The following B3GLCT variants were observed in gnomAD, a reference collection of about 807,000 sequenced individuals.
B3GLCT encodes beta-1,3-glucosyltransferase.
In B3GLCT, 65 loss-of-function variants were observed where a neutral mutation model predicts 63.4. The observed-to-expected ratio is 1.03, with a 90% confidence interval of 0.84 to 1.26. The LOEUF (loss-of-function observed/expected upper bound fraction) is 1.26. Among genes scored for constraint, B3GLCT ranks in the 50% most tolerant of loss-of-function variants. The probability of loss-of-function intolerance (pLI) is 0.00; values close to 1 mark genes in which losing one functional copy is unlikely to be tolerated. For missense variants in B3GLCT, 577 were observed against 604.8 expected (o/e 0.95, Z 0.48); for synonymous variants, 233 against 219.2 (o/e 1.06, Z -0.55).
chr13:31,212,138 C>T (rs531839826), intron 1 of B3GLCT, among the ~76,000 whole-genome samples: 5 of 151,622 alleles, frequency 3.3e-5, no homozygotes, highest in Non-Finnish European at 2.9e-5. Context: ...CAGAGTCTCG[C>T]TCTTGTCCAG....
chr13:31,215,219 T>C (rs1037982042), intron 2 of B3GLCT, 119 bp downstream of exon 2: 11 of 1,085,158 alleles, frequency 1.0e-5, no homozygotes, highest in Middle Eastern at 2.8e-4. Flanking sequence ...ATAATTCATA[T>C]AATGTGGTCA....
In B3GLCT at chr13:31,247,096, C is replaced by T. The variant is rs142421716; in HGVS notation, c.344C>T (p.Pro115Leu). 2.8e-5 allele frequency: 45 copies of T among 1,611,906 alleles called. No homozygotes were observed. Among genetic ancestry groups the T allele is most frequent in the Admixed American group, 6.7e-5 (4 of 59,992 alleles). Residue 115 changes from proline (P) to leucine (L), a missense_variant, in exon 5 of 15, where the codon CCG becomes CTG. Pro to Leu is a moderately conservative substitution (Grantham distance 98). Coordinates refer to ENST00000343307, the MANE Select transcript of B3GLCT (RefSeq NM_194318.4). ...EGAWTILPLL[P>L]HFSVTYSRNS... ...GCATGGACCATACTTCCGTTGTTAC[C>T]GCAGTACGTTTGTTTAACTCACCTG...
At chr13:31,294,902 T>G (rs1330091282) in intron 12 of B3GLCT, among the ~76,000 whole-genome samples, 2 of 152,172 alleles carry the variant, frequency 1.3e-5, no homozygotes, top group Non-Finnish European at 2.9e-5. Context: ...GTTTTTTTTT[T>G]GGAATTTTCA....
chr13:31,329,584 G>A lies in B3GLCT; in HGVS notation c.1413G>A (p.Val471=). Residue 471 remains valine, a synonymous_variant, in exon 15 of 15, where the codon GTG becomes GTA. Coordinates refer to ENST00000343307, the MANE Select transcript of B3GLCT (RefSeq NM_194318.4). ...ACAAACACTGGAACATCGATCCAGT[G>A]AAGGTGTATTTCACATGGTTGGCAC... The part of the protein sequence containing the change: ...SFHKHWNIDP[V]KVYFTWLAPS... The A allele has an allele frequency of 6.2e-7, 1 of 1,614,220 alleles. No individual in the cohort carries two copies. The highest frequency in any genetic ancestry group is 8.5e-7 in the Non-Finnish European group (1 of 1,180,040).
intron 6 of B3GLCT, among the ~76,000 whole-genome samples, chr13:31,252,279 G>C (rs1871466442): frequency 6.6e-6 from 1 of 152,154 alleles, no homozygotes; most frequent in South Asian, 2.1e-4. Context: ...AAATTGTAAA[G>C]ACCATTGATG....
chr13:31,318,367 G>C (rs913932679), intron 13 of B3GLCT, among the ~76,000 whole-genome samples: 1 of 152,116 alleles, frequency 6.6e-6, no homozygotes, highest in Non-Finnish European at 1.5e-5. Flanking sequence ...TAATCTAATG[G>C]ATTATACACT....
chr13:31,322,485 C>T (rs1875375840), intron 13 of B3GLCT, among the ~76,000 whole-genome samples: 1 of 152,214 alleles, frequency 6.6e-6, no homozygotes, highest in African/African-American at 2.4e-5. Context: ...GTGGCCAGAG[C>T]AGACAAGTGT....
intron 12 of B3GLCT, among the ~76,000 whole-genome samples, chr13:31,314,158 C>G (rs377080957): frequency 2.6e-5 from 4 of 152,156 alleles, no homozygotes; most frequent in African/African-American, 9.7e-5. Flanking sequence ...TCATGGAGAA[C>G]CTATGCTAGT....
chr13:31,224,400 G>A (rs111226888), intron 3 of B3GLCT, among the ~76,000 whole-genome samples: 5 of 152,266 alleles, frequency 3.3e-5, no homozygotes, highest in African/African-American at 1.2e-4. Flanking sequence ...CCTTGGACAA[G>A]TAAATTTATA....
chr13:31,301,448 A>G (rs929679395), intron 12 of B3GLCT, among the ~76,000 whole-genome samples: 13 of 152,236 alleles, frequency 8.5e-5, no homozygotes, highest in Non-Finnish European at 1.3e-4. Context: ...TTTCCCAGTC[A>G]GATAAAATGT....
At chr13:31,296,070 TTCC>T (rs917060473) in intron 12 of B3GLCT, among the ~76,000 whole-genome samples, 36 of 152,126 alleles carry the variant, frequency 2.4e-4, no homozygotes, top group Non-Finnish European at 4.4e-4. Context: ...GGTGAGGGAG[TTCC>T]CCGTCCCCTT....
intron 14 of B3GLCT, among the ~76,000 whole-genome samples, chr13:31,324,102 C>A (rs1037398744): frequency 1.3e-5 from 2 of 152,178 alleles, no homozygotes; most frequent in African/African-American, 4.8e-5. Flanking sequence ...GAGGCAAAAA[C>A]GTCTCGAAAA....
intron 1 of B3GLCT, among the ~76,000 whole-genome samples, chr13:31,210,406 C>T (rs956793795): frequency 3.3e-5 from 5 of 152,180 alleles, no homozygotes; most frequent in South Asian, 2.1e-4. Flanking sequence ...ATGAAGCAAA[C>T]AGCAAACATT....
At chr13:31,225,716 A>G (rs1374859540) in intron 3 of B3GLCT, among the ~76,000 whole-genome samples, 1 of 152,090 alleles carries the variant, frequency 6.6e-6, no homozygotes, top group African/African-American at 2.4e-5. Flanking sequence ...ATTCTGTCCC[A>G]AACTTTCACT....
chr13:31,227,282 G>A (rs1870148509), intron 3 of B3GLCT, among the ~76,000 whole-genome samples: 1 of 152,052 alleles, frequency 6.6e-6, no homozygotes, highest in Admixed American at 6.5e-5. Flanking sequence ...TGATTAATAA[G>A]AGTGGAATTT....
intron 11 of B3GLCT, among the ~76,000 whole-genome samples, chr13:31,285,604 T>TAA (rs11339832): frequency 6.9e-4 from 58 of 84,206 alleles, no homozygotes; most frequent in Non-Finnish European, 9.4e-4. Flanking sequence ...CTTTTATGAG[T>TAA]AAAAAAAAAA....
At chr13:31,225,744 G>A (rs1004521607) in intron 3 of B3GLCT, among the ~76,000 whole-genome samples, 1 of 151,940 alleles carries the variant, frequency 6.6e-6, no homozygotes, top group African/African-American at 2.4e-5. Context: ...CTGTGGGGAG[G>A]GTCTTCCCAC....
rs546951786 is a variant in B3GLCT at position 31,266,031 on chromosome 13, G to A, written c.597-3183G>A. 7.0e-4 allele frequency among the ~76,000 whole-genome samples: 106 copies of A among 151,640 alleles called. 1 individual carries two copies. In the Middle Eastern group the frequency reaches 0.01, roughly 15 times the overall value. ...TTTTTTTTTTTTGAAACGGAGTCTC[G>A]CTCTGTCGCCCAGGCTGGAGTACAG... On this transcript the variant is annotated intron_variant, in intron 7 of 14. Coordinates refer to ENST00000343307, the MANE Select transcript of B3GLCT (RefSeq NM_194318.4).
At position 31,247,080 on chromosome 13, in the gene B3GLCT, A is replaced by G. The variant is rs765118210; in HGVS notation, c.328A>G (p.Ile110Val). The G allele has an allele frequency of 1.2e-6, 2 of 1,613,408 alleles. No individual in the cohort carries two copies. The highest frequency in any genetic ancestry group is 2.2e-5 in the South Asian group (2 of 91,046). ...QLAKQEGAWT[I>V]LPLLPHFSVT... Reference sequence around the variant, plus strand: ...GGCTAAACAAGAAGGTGCATGGACCATACTTCCGTTGTTACCGCAGTACGT... The same window carrying G: ...GGCTAAACAAGAAGGTGCATGGACCGTACTTCCGTTGTTACCGCAGTACGT... The change falls in exon 5 of 15, where the codon ATA (isoleucine) becomes GTA (valine). Residue 110 changes from isoleucine to valine, a missense_variant. Physicochemically the swap from Ile to Val is conservative, Grantham distance 29. Transcript: ENST00000343307.
Sources: gnomAD v4.1 joint callset for allele counts (sites outside exome capture counted in the v4.1 genomes callset) on GRCh38, gnomAD v4.1.1 for gene constraint, MANE v1.5 for transcripts, NCBI Gene and HGNC (gene_info 2026-07-23, HGNC 2026-07-21) for gene names.